The following LRFN2 variants were observed in gnomAD, a reference collection of about 807,000 sequenced individuals.
The protein encoded by LRFN2 is leucine rich repeat and fibronectin type III domain containing 2.
LRFN2 carries 18 observed loss-of-function variants against 37.3 expected under a neutral mutation model. The observed-to-expected ratio is 0.48, with a 90% CI of 0.33 to 0.72. LRFN2 has a LOEUF of 0.72. Ranked by LOEUF, LRFN2 falls within the 30% of genes least tolerant of loss-of-function variation. The probability of loss-of-function intolerance (pLI) is 0.02; values close to 1 mark genes in which losing one functional copy is unlikely to be tolerated. For synonymous variants in LRFN2, 556 were observed against 466.6 expected, an observed-to-expected ratio of 1.19 and a Z score of -2.47; for missense variants, 1,006 against 1,060.7, an observed-to-expected ratio of 0.95 and a Z score of 0.72.
intron 1 of LRFN2, among the ~76,000 whole-genome samples, chr6:40,549,306 T>A (rs1257809006): frequency 6.6e-6 from 1 of 152,206 alleles, no homozygotes; most frequent in Non-Finnish European, 1.5e-5. Flanking sequence ...CAAGCTCTCA[T>A]GCCCCTAATC....
chr6:40,439,656 G>A (rs1392612311), intron 1 of LRFN2, among the ~76,000 whole-genome samples: 1 of 152,198 alleles, frequency 6.6e-6, no homozygotes, highest in Non-Finnish European at 1.5e-5. Context: ...CTCAGGAAGT[G>A]ACATTCTGAG....
chr6:40,521,154 A>G (rs537178056), intron 1 of LRFN2, among the ~76,000 whole-genome samples: 1 of 152,272 alleles, frequency 6.6e-6, no homozygotes, highest in South Asian at 2.1e-4. Flanking sequence ...TGTGTATGCC[A>G]TAGTATGTTG....
At position 40,431,968 on chromosome 6, in the gene LRFN2, G is replaced by A. The variant is rs1181326016; in HGVS notation, c.1146C>T (p.Leu382=). Residue 382 remains leucine (L), a synonymous_variant, in exon 2 of 3, where the codon CTC becomes CTT. Coordinates refer to ENST00000338305, the MANE Select transcript of LRFN2 (RefSeq NM_020737.3). ...VEVSIVQLPH[L]SNSTSRTAPP... is the part of the protein sequence containing the mutation. ...GTGCAGTGCGGCTGGTGCTGTTGCT[G>A]AGGTGTGGCAGCTGGACGATGGAGA... 1 of 1,613,586 alleles carries A rather than the reference G, an allele frequency of 6.2e-7. No individual in the cohort carries two copies. The highest frequency in any genetic ancestry group is 8.5e-7 in the Non-Finnish European group (1 of 1,180,022).
intron 1 of LRFN2, among the ~76,000 whole-genome samples, chr6:40,516,756 G>T (rs1765888791): frequency 6.6e-6 from 1 of 152,084 alleles, no homozygotes; most frequent in African/African-American, 2.4e-5. Context: ...TCATGGGGTG[G>T]CCAGGAGCAG....
chr6:40,432,786 T>C lies in LRFN2; in HGVS notation c.328A>G (p.Asn110Asp), dbSNP rs1763538070. ...TCCTCCCCAAGGCTTGGCAGCCGAT[T>C]GCTGTCAAGATGCAGGGAGCGGAGG... ...ESLRSLHLDS[N>D]RLPSLGEDTL... Residue 110 changes from asparagine (N) to aspartate (D), a missense_variant, in exon 2 of 3, where the codon AAT (asparagine) becomes GAT (aspartate). Asn to Asp is a conservative substitution (Grantham distance 23). Coordinates refer to ENST00000338305, the MANE Select transcript of LRFN2 (RefSeq NM_020737.3). The C allele has an allele frequency of 6.2e-7, 1 of 1,614,192 alleles. No individual in the cohort carries two copies. The highest frequency in any genetic ancestry group is 8.5e-7 in the Non-Finnish European group (1 of 1,180,024).
chr6:40,485,778 G>A (rs1174079866), intron 1 of LRFN2, among the ~76,000 whole-genome samples: 1 of 152,218 alleles, frequency 6.6e-6, no homozygotes, highest in African/African-American at 2.4e-5. Context: ...ATCATGGGCT[G>A]ACCAGCCACG....
intron 1 of LRFN2, among the ~76,000 whole-genome samples, chr6:40,447,487 G>C (rs550824074): frequency 2.4e-4 from 36 of 152,310 alleles, no homozygotes; most frequent in African/African-American, 7.9e-4. Context: ...GGGGACCTGA[G>C]TTTAGAATCT....
At position 40,502,387 on chromosome 6, in the gene LRFN2, T is replaced by C. The variant is rs565650563; in HGVS notation, c.-18-69256A>G. On this transcript the variant is annotated intron_variant, in intron 1 of 2. Transcript: ENST00000338305. ...AGAATGGAAGTCCTTTGGGTGAAAATGGCTGTCAGGACAAGTCATAAAAGA... is the reference window on the plus strand; with the variant it reads ...AGAATGGAAGTCCTTTGGGTGAAAACGGCTGTCAGGACAAGTCATAAAAGA... The C allele has an allele frequency of 2.0e-5, 3 of 152,188 alleles. No homozygotes were observed. In the South Asian group the frequency reaches 6.2e-4, roughly 32 times the overall value. 9.4% of individuals were successfully genotyped at this position (152,188 alleles called of 1,614,324 possible).
chr6:40,490,535 T>C (rs1765066173), intron 1 of LRFN2, among the ~76,000 whole-genome samples: 1 of 152,164 alleles, frequency 6.6e-6, no homozygotes, highest in Non-Finnish European at 1.5e-5. Flanking sequence ...CTCAAGACTC[T>C]CACATGAAAA....
At chr6:40,509,380 CCA>C (rs755901853) in intron 1 of LRFN2, among the ~76,000 whole-genome samples, 3 of 152,246 alleles carry the variant, frequency 2.0e-5, no homozygotes, top group Non-Finnish European at 4.4e-5. Context: ...GCAATTTTTC[CCA>C]GAATGTGAGT....
intron 1 of LRFN2, among the ~76,000 whole-genome samples, chr6:40,488,200 C>A (rs1765010335): frequency 6.6e-6 from 1 of 152,122 alleles, no homozygotes; most frequent in African/African-American, 2.4e-5. Context: ...ACAAGGAGAG[C>A]ACCTGTCAGG....
chr6:40,576,777 A>G (rs2494946), intron 1 of LRFN2, among the ~76,000 whole-genome samples: 77,928 of 151,874 alleles, frequency 0.51, 20,377 homozygotes, highest in Middle Eastern at 0.6. Flanking sequence ...GCCTGGCTCT[A>G]AGCAGACAGT....
intron 2 of LRFN2, among the ~76,000 whole-genome samples, chr6:40,410,054 G>A (rs1017672493): frequency 6.6e-6 from 1 of 152,090 alleles, no homozygotes; most frequent in Non-Finnish European, 1.5e-5. Flanking sequence ...GGAGAGTGAC[G>A]ACCTATAGCA....
intron 1 of LRFN2, among the ~76,000 whole-genome samples, chr6:40,493,287 G>A (rs1473834098): frequency 6.6e-6 from 1 of 152,136 alleles, no homozygotes; most frequent in Admixed American, 6.5e-5. Context: ...TTTCCTGCCA[G>A]GCATTGCTCT....
intron 1 of LRFN2, among the ~76,000 whole-genome samples, chr6:40,567,588 T>C (rs1767111856): frequency 6.6e-6 from 1 of 152,196 alleles, no homozygotes; most frequent in Non-Finnish European, 1.5e-5. Flanking sequence ...AGAGAAGATA[T>C]GGGACACCAG....
At chr6:40,396,379 T>G (rs1762614556) in intron 2 of LRFN2, among the ~76,000 whole-genome samples, 1 of 152,190 alleles carries the variant, frequency 6.6e-6, no homozygotes, top group South Asian at 2.1e-4. Context: ...CCCGTCTTCC[T>G]GCCCTTCCTG....
At chr6:40,451,736 ACT>A (rs1051590131) in intron 1 of LRFN2, among the ~76,000 whole-genome samples, 1 of 151,962 alleles carries the variant, frequency 6.6e-6, no homozygotes, top group African/African-American at 2.4e-5. Context: ...AAACATGCCA[ACT>A]CTCTGCCACT....
chr6:40,564,795 C>G (rs1767059246), intron 1 of LRFN2, among the ~76,000 whole-genome samples: 1 of 152,124 alleles, frequency 6.6e-6, no homozygotes, highest in Non-Finnish European at 1.5e-5. Flanking sequence ...TGATGCCCTA[C>G]CTACCTCCCC....
intron 2 of LRFN2, among the ~76,000 whole-genome samples, chr6:40,430,958 GCCAAC>G (rs755286963): frequency 5.3e-5 from 8 of 152,102 alleles, no homozygotes; most frequent in Non-Finnish European, 8.8e-5. Flanking sequence ...TGACGGTGAA[GCCAAC>G]CCAGAGAAAA....
Sources: allele counts gnomAD v4.1 joint callset (sites outside exome capture counted in the v4.1 genomes callset), GRCh38; gene constraint gnomAD v4.1.1; transcripts MANE v1.5; gene names NCBI Gene and HGNC (gene_info 2026-07-23, HGNC 2026-07-21).